Variants in RFX4 observed in about 807,000 individuals in gnomAD.
RFX4 encodes the protein transcription factor RFX4.
RFX4 carries 10 observed loss-of-function variants against 95.0 expected under a neutral mutation model. That is an observed-to-expected ratio of 0.11 (90% CI 0.06 to 0.18). The LOEUF (loss-of-function observed/expected upper bound fraction) is 0.18, where lower values mean the gene tolerates loss of function less well. Among genes scored for constraint, RFX4 ranks in the 10% least tolerant of loss-of-function variants. The pLI is 1.00. For synonymous variants in RFX4, 321 were observed against 340.7 expected (o/e 0.94, Z 0.64); for missense variants, 640 against 922.0 (o/e 0.69, Z 3.96).
At chr12:106,634,716 T>C (rs908766786) in intron 2 of RFX4, among the ~76,000 whole-genome samples, 25 of 152,052 alleles carry the variant, frequency 1.6e-4, no homozygotes, top group Admixed American at 1.3e-3. Flanking sequence ...TCCACCCTAC[T>C]CCTCACTTCC....
chr12:106,648,604 TA>T (rs35119944), intron 3 of RFX4, among the ~76,000 whole-genome samples: 244 of 133,648 alleles, frequency 1.8e-3, no homozygotes, highest in African/African-American at 2.1e-3. Flanking sequence ...GGGCTTTCTG[TA>T]AAAAAAAAAA....
In RFX4 at chr12:106,719,983, T is replaced by G. The variant is rs369603770; in HGVS notation, c.1162T>G (p.Leu388Val). The change falls in exon 12 of 18, where the codon TTG becomes GTG. Residue 388 changes from leucine (L) to valine (V), a missense_variant. Around this residue, in one of 7 missense-constraint regions of RFX4, gnomAD observed 72 missense variants for 80.5 expected, o/e 0.89. Transcript: ENST00000392842. ...TQLYQEFDHL[L>V]EEQSPIESYI... ...AGTATATCAGGAGTTTGACCATCTC[T>G]TGGAGGAGCAGTCTCCCATCGAGTC... The G allele has an allele frequency of 6.2e-7, 1 of 1,614,106 alleles. No homozygotes were observed. The highest frequency in any genetic ancestry group is 2.2e-5 in the East Asian group (1 of 44,900).
intron 15 of RFX4, among the ~76,000 whole-genome samples, chr12:106,739,695 G>T (rs1306318472): frequency 6.6e-6 from 1 of 152,094 alleles, no homozygotes; most frequent in Non-Finnish European, 1.5e-5. Context: ...TTTTGGTTGG[G>T]TTTACGGCAA....
At chr12:106,604,247 C>T (rs771702158) in intron 1 of RFX4, among the ~76,000 whole-genome samples, 2 of 151,348 alleles carry the variant, frequency 1.3e-5, no homozygotes, top group African/African-American at 2.4e-5. Context: ...CAGCCTCCTG[C>T]GTAGCTGGGA....
chr12:106,733,161 G>T (rs1592994894), intron 15 of RFX4, 76 bp downstream of exon 15: 1 of 1,482,828 alleles, frequency 6.7e-7, no homozygotes, highest in Non-Finnish European at 9.4e-7. Context: ...GGGCAACATA[G>T]TGAGACTTCA....
chr12:106,731,778 C>T (rs1160712342), intron 13 of RFX4, among the ~76,000 whole-genome samples: 2 of 151,476 alleles, frequency 1.3e-5, no homozygotes, highest in African/African-American at 2.4e-5. Context: ...TAATAAATGC[C>T]GAAGAGAGTG....
chr12:106,696,503 G>A, intron 8 of RFX4, 57 bp downstream of exon 8: 1 of 1,597,648 alleles, frequency 6.3e-7, no homozygotes, highest in Non-Finnish European at 8.6e-7. Context: ...GGATTGTTCT[G>A]CTTCTCTTGT....
At chr12:106,587,211 G>A (rs1386617662) in intron 1 of RFX4, among the ~76,000 whole-genome samples, 2 of 152,208 alleles carry the variant, frequency 1.3e-5, no homozygotes, top group Admixed American at 1.3e-4. Context: ...TTTCCTACCC[G>A]GCCTGCAGGT....
intron 11 of RFX4, among the ~76,000 whole-genome samples, chr12:106,716,220 GCCCAATAAC>G (rs2042288357): frequency 1.3e-5 from 2 of 152,006 alleles, no homozygotes; most frequent in South Asian, 4.2e-4. Flanking sequence ...CATCCCCCCA[GCCCAATAAC>G]CCTGGATCCA....
intron 3 of RFX4, among the ~76,000 whole-genome samples, chr12:106,652,579 A>G (rs997767387): frequency 4.6e-5 from 7 of 152,172 alleles, no homozygotes; most frequent in Non-Finnish European, 8.8e-5. Context: ...TCTAAAAACT[A>G]TCCCAAGTTA....
intron 3 of RFX4, among the ~76,000 whole-genome samples, chr12:106,640,381 G>A (rs891811218): frequency 6.6e-6 from 1 of 152,178 alleles, no homozygotes; most frequent in African/African-American, 2.4e-5. Flanking sequence ...GGGCTTTAAT[G>A]AGCAAATCAT....
rs144911718 is a variant in RFX4 at position 106,604,739 on chromosome 12, G to A, written c.44-4058G>A. On this transcript the variant is annotated intron_variant, in intron 1 of 17. Coordinates refer to ENST00000392842, the MANE Select transcript of RFX4 (RefSeq NM_213594.3). ...CGGGCTCCATTATTAAGTGGTTTAA[G>A]TTCTAAACTGAAGAGGCTGTTGTGT... is the stretch of plus-strand genomic sequence containing the variant. Among the ~76,000 whole-genome samples, 34 of 152,274 alleles carry A rather than the reference G, an allele frequency of 2.2e-4. 1 individual carries two copies. The East Asian group carries it at 5.8e-3, about 26-fold the overall frequency.
chr12:106,686,426 A>AT (rs2041650446), intron 5 of RFX4, among the ~76,000 whole-genome samples: 2 of 151,870 alleles, frequency 1.3e-5, no homozygotes, highest in Admixed American at 6.5e-5. Flanking sequence ...AAAAAAAAAA[A>AT]GAAAAAGAAA....
chr12:106,619,489 CT>C (rs1369963074), intron 2 of RFX4, among the ~76,000 whole-genome samples: 1 of 152,062 alleles, frequency 6.6e-6, no homozygotes, highest in African/African-American at 2.4e-5. Context: ...TGCAATGTGT[CT>C]TTTTGTCTCT....
intron 2 of RFX4, among the ~76,000 whole-genome samples, chr12:106,631,440 C>T (rs942223984): frequency 1.3e-5 from 2 of 152,278 alleles, no homozygotes; most frequent in East Asian, 3.9e-4. Context: ...GTCTGTATCC[C>T]CCCAAATTCA....
intron 16 of RFX4, among the ~76,000 whole-genome samples, chr12:106,750,293 A>C (rs1227652684): frequency 6.6e-6 from 1 of 152,132 alleles, no homozygotes; most frequent in Non-Finnish European, 1.5e-5. Context: ...CCTGGCCAAC[A>C]TGGTGAAACC....
At chr12:106,700,324 G>A (rs543238813) in intron 8 of RFX4, among the ~76,000 whole-genome samples, 251 of 151,760 alleles carry the variant, frequency 1.7e-3, no homozygotes, top group African/African-American at 5.9e-3. Context: ...GAGCCACCAT[G>A]CCTGGCCATG....
intron 4 of RFX4, among the ~76,000 whole-genome samples, chr12:106,681,525 A>AC (rs1350407045): frequency 6.6e-6 from 1 of 152,228 alleles, no homozygotes; most frequent in Non-Finnish European, 1.5e-5. Context: ...CATGGGGAGC[A>AC]ACGCTGGTGT....
At chr12:106,732,086 G>C in intron 13 of RFX4, 44 bp from the exon 14 acceptor site, 1 of 1,604,534 alleles carries the variant, frequency 6.2e-7, no homozygotes, top group Non-Finnish European at 8.5e-7. Flanking sequence ...GGGCATACAC[G>C]AGACAGCACG....
Sources: gnomAD v4.1 joint callset for allele counts (sites outside exome capture counted in the v4.1 genomes callset) on GRCh38, gnomAD v4.1.1 for gene constraint, gnomAD v4.1.1 regional missense constraint, MANE v1.5 for transcripts, NCBI Gene and HGNC (gene_info 2026-07-23, HGNC 2026-07-21) for gene names.